The following MYLK variants were observed in gnomAD, a reference collection of about 807,000 sequenced individuals.
The protein encoded by MYLK is myosin light chain kinase, also known as myosin light chain kinase, smooth muscle.
MYLK carries 106 observed loss-of-function variants against 203.4 expected under a neutral mutation model. The ratio of observed to expected loss-of-function variants is 0.52; its 90% confidence interval spans 0.45 to 0.61. The LOEUF is 0.61. MYLK is among the 20% of genes least tolerant of loss of function. The pLI is 0.00. For synonymous variants in MYLK, 867 were observed against 959.5 expected (o/e 0.90, Z 1.78); for missense variants, 2,072 against 2,442.3 (o/e 0.85, Z 3.20).
At chr3:123,643,246 C>T (rs1165713141) in intron 27 of MYLK, among the ~76,000 whole-genome samples, 3 of 152,210 alleles carry the variant, frequency 2.0e-5, no homozygotes, top group Non-Finnish European at 1.5e-5. Context: ...GTGGCAGGCT[C>T]ATCTCTAGAC....
At position 123,772,938 on chromosome 3, in the gene MYLK, G is replaced by A. The variant is rs2063934368; in HGVS notation, c.166-20400C>T. On this transcript the variant is annotated intron_variant, in intron 4 of 33. Coordinates refer to ENST00000360304, the MANE Select transcript of MYLK (RefSeq NM_053025.4). ...TTTTCTTTCCTATAAAATTGGCATA[G>A]TAATGTTGACCTTATAAGGCTATTT... 2.0e-5 allele frequency among the ~76,000 whole-genome samples: 3 copies of A among 151,918 alleles called. No individual in the cohort carries two copies. In the South Asian group the frequency reaches 6.2e-4, roughly 32 times the overall value.
At chr3:123,820,611 T>TTTCCTTCCTTCCTTCCTTCC (rs71142760) in intron 3 of MYLK, among the ~76,000 whole-genome samples, 3,174 of 136,114 alleles carry the variant, frequency 0.023, 112 homozygotes, top group African/African-American at 0.069. Flanking sequence ...CAGTGATTGA[T>TTTCCTTCCTTCCTTCCTTCC]TTCCTTCCTT....
At chr3:123,860,814 G>A (rs2031823914) in intron 2 of MYLK, among the ~76,000 whole-genome samples, 1 of 152,112 alleles carries the variant, frequency 6.6e-6, no homozygotes, top group Admixed American at 6.6e-5. Context: ...AAAATGCATA[G>A]GGGGCCATAT....
intron 20 of MYLK, among the ~76,000 whole-genome samples, chr3:123,675,681 A>C (rs2060050057): frequency 6.6e-6 from 1 of 152,114 alleles, no homozygotes; most frequent in African/African-American, 2.4e-5. Flanking sequence ...AATCCTTCAA[A>C]ATTCCCAAAA....
At chr3:123,768,377 G>A (rs1468067918) in intron 4 of MYLK, among the ~76,000 whole-genome samples, 1 of 152,196 alleles carries the variant, frequency 6.6e-6, no homozygotes, top group Non-Finnish European at 1.5e-5. Flanking sequence ...CCAAATGCAG[G>A]TGAGGACAGA....
intron 19 of MYLK, among the ~76,000 whole-genome samples, chr3:123,683,296 G>T (rs1259683667): frequency 6.6e-6 from 1 of 151,584 alleles, no homozygotes. Flanking sequence ...TGGGGGTGGG[G>T]GTGGGTGGGG....
chr3:123,825,144 CAAAA>C (rs11419461), intron 3 of MYLK, among the ~76,000 whole-genome samples: 2 of 115,912 alleles, frequency 1.7e-5, no homozygotes, highest in Admixed American at 8.4e-5. Flanking sequence ...CACCCTGTCT[CAAAA>C]AAAAAAAAAA....
intron 23 of MYLK, among the ~76,000 whole-genome samples, chr3:123,662,438 T>C (rs1284046113): frequency 6.6e-6 from 1 of 151,896 alleles, no homozygotes; most frequent in Non-Finnish European, 1.5e-5. Context: ...AATCACAGAA[T>C]GTCAGAGAAC....
At chr3:123,847,494 A>G (rs2700396) in intron 2 of MYLK, among the ~76,000 whole-genome samples, 127,064 of 152,102 alleles carry the variant, frequency 0.84, 53,241 homozygotes, top group East Asian at 0.96. Flanking sequence ...ACTTTATTGA[A>G]AGCGAGCCTG....
intron 2 of MYLK, among the ~76,000 whole-genome samples, chr3:123,853,185 C>T (rs1476544396): frequency 6.6e-6 from 1 of 151,926 alleles, no homozygotes; most frequent in African/African-American, 2.4e-5. Context: ...TATCCTATTA[C>T]ATAGAAAGCC....
chr3:123,678,101 G>A (rs1474715829), intron 20 of MYLK, among the ~76,000 whole-genome samples: 4 of 151,528 alleles, frequency 2.6e-5, no homozygotes, highest in Non-Finnish European at 5.9e-5. Context: ...GCTATTTATA[G>A]CGCAGTTGAG....
At chr3:123,715,495 G>T (rs566882405) in intron 13 of MYLK, among the ~76,000 whole-genome samples, 24 of 152,200 alleles carry the variant, frequency 1.6e-4, no homozygotes, top group Non-Finnish European at 3.2e-4. Context: ...ATTGATAGTG[G>T]TTTTACTTTA....
intron 5 of MYLK, among the ~76,000 whole-genome samples, chr3:123,751,761 T>G (rs994923691): frequency 3.3e-5 from 5 of 150,740 alleles, no homozygotes; most frequent in African/African-American, 1.2e-4. Context: ...AAACCTCGAG[T>G]GGGGTGAGAA....
At chr3:123,620,548 T>C in intron 31 of MYLK, 6 of 1,409,702 alleles carry the variant, frequency 4.3e-6, no homozygotes, top group Non-Finnish European at 5.6e-6. Flanking sequence ...GAGAATGGAA[T>C]GGGGCCTGGA....
Position 123,876,626 on chromosome 3 carries a change from C to T in MYLK, c.-185-9G>A, listed in dbSNP as rs1288182015. The stretch of plus-strand genomic sequence containing the variant: ...ATTTTGAAGAATCCTTCCTAATACA[C>T]AAATCAAAGAAATAATAGAAACAAT... On this transcript the variant is annotated splice_polypyrimidine_tract_variant and intron_variant, in intron 1 of 33. Coordinates refer to ENST00000360304, the MANE Select transcript of MYLK (RefSeq NM_053025.4). 2 of 152,106 alleles carry T rather than the reference C, an allele frequency of 1.3e-5. No individual in the cohort carries two copies. Among genetic ancestry groups the T allele is most frequent in the South Asian group, 4.2e-4 (2 of 4,818 alleles). The allele number at this position is 152,106 out of a possible 1,614,324, so 9.4% of individuals were successfully genotyped here.
intron 4 of MYLK, among the ~76,000 whole-genome samples, chr3:123,779,793 G>A (rs2064223915): frequency 6.6e-6 from 1 of 152,168 alleles, no homozygotes; most frequent in Non-Finnish European, 1.5e-5. Flanking sequence ...AGGGGACAGG[G>A]ATTAATTTGA....
chr3:123,849,505 G>T (rs1008003731), intron 2 of MYLK, among the ~76,000 whole-genome samples: 6 of 152,146 alleles, frequency 3.9e-5, no homozygotes, highest in African/African-American at 1.4e-4. Context: ...TACAGCAGTT[G>T]CTTTCAAATG....
At position 123,829,413 on chromosome 3, in the gene MYLK, A is replaced by G. The variant is rs111534155; in HGVS notation, c.-4+2135T>C. Among the ~76,000 whole-genome samples the G allele has an allele frequency of 3.1e-3, 468 of 152,330 alleles. 2 individuals are homozygous for G. The highest frequency in any genetic ancestry group is 0.011 in the African/African-American group (451 of 41,590). On this transcript the variant is annotated intron_variant, in intron 3 of 33. Transcript: ENST00000360304. ...AATATTGATCTCAAAGAAGTAAAAA[A>G]GTAGAACAGAGCATACTAGAGGCTG...
chr3:123,865,691 T>A (rs1187058449), intron 2 of MYLK, among the ~76,000 whole-genome samples: 1 of 152,204 alleles, frequency 6.6e-6, no homozygotes, highest in Non-Finnish European at 1.5e-5. Context: ...TACTTCAGGT[T>A]AACTTTAGAT....
Sources: gnomAD v4.1 joint callset for allele counts (sites outside exome capture counted in the v4.1 genomes callset) on GRCh38, gnomAD v4.1.1 for gene constraint, MANE v1.5 for transcripts, NCBI Gene and HGNC (gene_info 2026-07-23, HGNC 2026-07-21) for gene names.